Variants in MCPH1 observed in about 807,000 individuals in gnomAD.
The protein encoded by MCPH1 is microcephalin.
Under a neutral mutation model 84.5 loss-of-function variants are expected in MCPH1, and 104 were observed. That is an observed-to-expected ratio of 1.23 (90% confidence interval 1.05 to 1.45). The LOEUF (loss-of-function observed/expected upper bound fraction) is 1.45, where lower values mean the gene tolerates loss of function less well. Ranked by LOEUF, MCPH1 falls within the 40% of genes most tolerant of loss-of-function variation. The pLI is 0.00. For missense variants in MCPH1, 1,498 were observed against 1,005.7 expected (o/e 1.49, Z -6.62); for synonymous variants, 514 against 366.8 (o/e 1.40, Z -4.58).
At chr8:6,532,197 T>G (rs1239133143) in intron 12 of MCPH1, 2 of 1,058,600 alleles carry the variant, frequency 1.9e-6, no homozygotes, top group East Asian at 4.8e-5. Flanking sequence ...CCTTAATTTC[T>G]TATCAATTCA....
chr8:6,600,008 A>T (rs564513112), intron 12 of MCPH1, among the ~76,000 whole-genome samples: 3 of 152,234 alleles, frequency 2.0e-5, no homozygotes, highest in African/African-American at 7.2e-5. Flanking sequence ...TCTATGTTCT[A>T]TTTGCTAGGA....
intron 11 of MCPH1, among the ~76,000 whole-genome samples, chr8:6,488,732 G>A (rs1810231882): frequency 6.6e-6 from 1 of 152,090 alleles, no homozygotes; most frequent in African/African-American, 2.4e-5. Flanking sequence ...GACGAGGGAT[G>A]CAGAAGCCAT....
intron 12 of MCPH1, among the ~76,000 whole-genome samples, chr8:6,613,808 G>T (rs910480095): frequency 6.6e-6 from 1 of 152,098 alleles, no homozygotes; most frequent in Non-Finnish European, 1.5e-5. Flanking sequence ...GGACGGCCAG[G>T]GAACAGGACG....
intron 12 of MCPH1, among the ~76,000 whole-genome samples, chr8:6,558,598 T>C (rs1347621374): frequency 2.6e-5 from 4 of 152,168 alleles, no homozygotes; most frequent in Non-Finnish European, 4.4e-5. Flanking sequence ...AAGAGCCACA[T>C]TGATTAAAAT....
chr8:6,409,250 T>C (rs1162215022), intron 1 of MCPH1, 29 bp from the exon 2 acceptor site: 20 of 1,555,712 alleles, frequency 1.3e-5, no homozygotes, highest in Non-Finnish European at 1.7e-5. Context: ...ATTTCAAATG[T>C]ATGTTTCATG....
At chr8:6,416,950 C>T (rs936051424) in intron 3 of MCPH1, among the ~76,000 whole-genome samples, 46 of 151,488 alleles carry the variant, frequency 3.0e-4, no homozygotes, top group Admixed American at 3.0e-3. Flanking sequence ...ACCAAGACCA[C>T]GCCATTGCAC....
chr8:6,483,010 A>T (rs1809428143), intron 11 of MCPH1, among the ~76,000 whole-genome samples: 1 of 152,226 alleles, frequency 6.6e-6, no homozygotes, highest in East Asian at 1.9e-4. Flanking sequence ...ACAATTTTCT[A>T]TGTAGACAAG....
At chr8:6,563,976 CTTTTTTTT>C (rs11358428) in intron 12 of MCPH1, among the ~76,000 whole-genome samples, 9 of 85,382 alleles carry the variant, frequency 1.1e-4, no homozygotes, top group Non-Finnish European at 2.2e-4. Flanking sequence ...GGAATACAAA[CTTTTTTTT>C]TTTTTTTTTT....
At chr8:6,533,422 G>A (rs988493845) in intron 12 of MCPH1, among the ~76,000 whole-genome samples, 2 of 152,152 alleles carry the variant, frequency 1.3e-5, no homozygotes, top group African/African-American at 4.8e-5. Flanking sequence ...CTTGGTTCTA[G>A]GAAAGTTGCT....
At chr8:6,519,777 G>C in intron 12 of MCPH1, 2 of 1,499,190 alleles carry the variant, frequency 1.3e-6, no homozygotes, top group Non-Finnish European at 9.1e-7. Context: ...AAGATCTTTG[G>C]GGAGAGACTT....
chr8:6,553,428 G>A lies in MCPH1; in HGVS notation c.2214+53499G>A, dbSNP rs1019899747. The stretch of plus-strand genomic sequence containing the variant: ...ATAGTTAAAAGTACACTAGCACACC[G>A]GGAGAATAACTTCAGAGGCTTGCTG... On this transcript the variant is annotated intron_variant, in intron 12 of 13. Transcript: ENST00000344683. Among the ~76,000 whole-genome samples, 8 of 152,152 alleles carry A rather than the reference G, an allele frequency of 5.3e-5. No individual in the cohort carries two copies. In the East Asian group the frequency reaches 5.8e-4, roughly 11 times the overall value.
chr8:6,594,115 A>T (rs1828733437), intron 12 of MCPH1, among the ~76,000 whole-genome samples: 1 of 152,172 alleles, frequency 6.6e-6, no homozygotes, highest in African/African-American at 2.4e-5. Flanking sequence ...GTTTGAGCAG[A>T]GGTTTGCTGA....
chr8:6,579,873 C>T (rs1211839293), intron 12 of MCPH1, among the ~76,000 whole-genome samples: 1 of 152,118 alleles, frequency 6.6e-6, no homozygotes, highest in East Asian at 1.9e-4. Context: ...GTCGCCAATG[C>T]CACAGTCACA....
intron 3 of MCPH1, among the ~76,000 whole-genome samples, chr8:6,415,414 A>C (rs1318381940): frequency 1.3e-5 from 2 of 151,842 alleles, no homozygotes; most frequent in African/African-American, 4.8e-5. Flanking sequence ...CAGCCTCCCA[A>C]GTAGCTGGGA....
At chr8:6,422,365 G>A (rs925352603) in intron 3 of MCPH1, among the ~76,000 whole-genome samples, 1 of 152,170 alleles carries the variant, frequency 6.6e-6, no homozygotes, top group Non-Finnish European at 1.5e-5. Context: ...TTTAAAAGTC[G>A]TATAGAAATG....
intron 4 of MCPH1, among the ~76,000 whole-genome samples, chr8:6,435,770 T>C (rs1273480898): frequency 6.6e-6 from 1 of 152,158 alleles, no homozygotes; most frequent in Non-Finnish European, 1.5e-5. Context: ...AGAGACTGGC[T>C]AAAAACTTTC....
chr8:6,456,545 C>G (rs997185371), intron 9 of MCPH1, among the ~76,000 whole-genome samples: 1 of 152,196 alleles, frequency 6.6e-6, no homozygotes, highest in African/African-American at 2.4e-5. Context: ...GGCACCACAG[C>G]TCTGTTCTGT....
intron 5 of MCPH1, among the ~76,000 whole-genome samples, chr8:6,436,674 A>G (rs1802682820): frequency 6.6e-6 from 1 of 151,102 alleles, no homozygotes. Context: ...ATTTTTATAT[A>G]TAAGAATATT....
At chr8:6,640,097 T>TGCGTGC (rs1554491991) in intron 13 of MCPH1, among the ~76,000 whole-genome samples, 12 of 131,416 alleles carry the variant, frequency 9.1e-5, no homozygotes, top group African/African-American at 3.9e-4. Context: ...TGTGTGTGTG[T>TGCGTGC]GCGCGCGCGT....
Sources: gnomAD v4.1 joint callset for allele counts (sites outside exome capture counted in the v4.1 genomes callset) on GRCh38, gnomAD v4.1.1 for gene constraint, MANE v1.5 for transcripts, NCBI Gene and HGNC (gene_info 2026-07-23, HGNC 2026-07-21) for gene names.